The following PLPPR1 variants were observed in gnomAD, a reference collection of about 807,000 sequenced individuals.
PLPPR1 encodes the protein phospholipid phosphatase related 1.
PLPPR1 carries 10 observed loss-of-function variants against 33.1 expected under a neutral mutation model. The observed-to-expected ratio is 0.30, with a 90% CI of 0.19 to 0.51. The LOEUF is 0.51. PLPPR1 is among the 20% of genes least tolerant of loss of function. PLPPR1 has a pLI of 0.97. For missense variants in PLPPR1, 304 were observed against 408.1 expected (o/e 0.74, Z 2.20); for synonymous variants, 151 against 151.0 (o/e 1.00, Z 0.00).
At chr9:101,035,521 C>T (rs559708309) in intron 1 of PLPPR1, among the ~76,000 whole-genome samples, 37 of 152,266 alleles carry the variant, frequency 2.4e-4, no homozygotes, top group Middle Eastern at 3.4e-3. Flanking sequence ...TCCTTGTCTT[C>T]CCCTAACTCC....
chr9:101,130,045 A>C (rs544893929), intron 1 of PLPPR1, among the ~76,000 whole-genome samples: 1 of 152,166 alleles, frequency 6.6e-6, no homozygotes, highest in African/African-American at 2.4e-5. Context: ...ATAAAGGACA[A>C]CGATGAAACT....
chr9:101,226,889 G>A (rs1827081182), intron 2 of PLPPR1, among the ~76,000 whole-genome samples: 1 of 152,138 alleles, frequency 6.6e-6, no homozygotes, highest in Non-Finnish European at 1.5e-5. Flanking sequence ...GGAACAAAAT[G>A]ATTAGGTCTT....
rs185356696 is a variant in PLPPR1 at position 101,181,427 on chromosome 9, A to G, written c.-45-4023A>G. The stretch of plus-strand genomic sequence containing the variant: ...GGAGGCTCCTCAGAAAACTAAGTAT[A>G]TAATTTATCATATTATCCAGTAATC... On this transcript the variant is annotated intron_variant, in intron 1 of 7. Transcript: ENST00000374874. Among the ~76,000 whole-genome samples, 352 of 151,152 alleles carry G rather than the reference A, an allele frequency of 2.3e-3. 3 individuals are homozygous for G. Among genetic ancestry groups the G allele is most frequent in the African/African-American group, 7.6e-3 (314 of 41,436 alleles).
chr9:101,230,595 G>A (rs191427524), intron 2 of PLPPR1, among the ~76,000 whole-genome samples: 2 of 152,190 alleles, frequency 1.3e-5, no homozygotes, highest in East Asian at 3.9e-4. Context: ...ATCTATGACT[G>A]AGTAGGCACA....
intron 1 of PLPPR1, among the ~76,000 whole-genome samples, chr9:101,152,442 C>T (rs1831601745): frequency 1.3e-5 from 2 of 152,180 alleles, no homozygotes; most frequent in Non-Finnish European, 2.9e-5. Context: ...GTTGCCGTTG[C>T]TTTTGGTGTT....
At chr9:101,192,468 T>C (rs1227373096) in intron 2 of PLPPR1, among the ~76,000 whole-genome samples, 2 of 152,178 alleles carry the variant, frequency 1.3e-5, no homozygotes, top group South Asian at 2.1e-4. Flanking sequence ...GGGAATTTCT[T>C]TGGACCCCAA....
intron 2 of PLPPR1, among the ~76,000 whole-genome samples, chr9:101,242,233 T>A (rs1418060651): frequency 6.6e-6 from 1 of 151,250 alleles, no homozygotes; most frequent in Non-Finnish European, 1.5e-5. Context: ...AGGGAGGAGC[T>A]GGAATTCTTT....
intron 2 of PLPPR1, among the ~76,000 whole-genome samples, chr9:101,255,088 C>T (rs1392170918): frequency 6.6e-6 from 1 of 152,100 alleles, no homozygotes; most frequent in Non-Finnish European, 1.5e-5. Flanking sequence ...AATAGCATGT[C>T]ACTATTGTTT....
chr9:101,157,452 T>G (rs548984525), intron 1 of PLPPR1, among the ~76,000 whole-genome samples: 3 of 152,266 alleles, frequency 2.0e-5, no homozygotes, highest in South Asian at 4.2e-4. Flanking sequence ...TGTCTAAATT[T>G]AAAAGAGTCA....
intron 1 of PLPPR1, among the ~76,000 whole-genome samples, chr9:101,095,919 A>G (rs1830811437): frequency 6.6e-6 from 1 of 152,206 alleles, no homozygotes; most frequent in Non-Finnish European, 1.5e-5. Context: ...AGCAATTGTA[A>G]CATCATGAAG....
At chr9:101,064,639 C>G (rs1830387637) in intron 1 of PLPPR1, among the ~76,000 whole-genome samples, 1 of 151,984 alleles carries the variant, frequency 6.6e-6, no homozygotes. Context: ...ACATAGACCC[C>G]AATTCTGGGT....
intron 1 of PLPPR1, among the ~76,000 whole-genome samples, chr9:101,047,354 G>C (rs946735841): frequency 6.6e-6 from 1 of 152,118 alleles, no homozygotes; most frequent in Non-Finnish European, 1.5e-5. Flanking sequence ...GATCAGAATT[G>C]GTTATAAAGT....
intron 1 of PLPPR1, among the ~76,000 whole-genome samples, chr9:101,139,717 A>C (rs537969784): frequency 6.4e-4 from 98 of 152,262 alleles, no homozygotes; most frequent in Non-Finnish European, 1.1e-3. Flanking sequence ...AGTTATATAT[A>C]ATTGGCCAAT....
chr9:101,108,275 A>G lies in PLPPR1; in HGVS notation c.-45-77175A>G, dbSNP rs543143422. On this transcript the variant is annotated intron_variant, in intron 1 of 7. Coordinates refer to ENST00000374874, the MANE Select transcript of PLPPR1 (RefSeq NM_207299.2). Reference sequence around the variant, plus strand: ...AAAAGAGACTTGAATCAGGTAATGCATGATAAAAATCAATTGATCTGTCTA... The same window carrying G: ...AAAAGAGACTTGAATCAGGTAATGCGTGATAAAAATCAATTGATCTGTCTA... Among the ~76,000 whole-genome samples the G allele has an allele frequency of 3.9e-5, 6 of 152,374 alleles. 1 individual carries two copies. In the South Asian group the frequency reaches 1.2e-3, roughly 32 times the overall value.
At chr9:101,260,889 T>G (rs758736277) in intron 2 of PLPPR1, among the ~76,000 whole-genome samples, 6 of 151,938 alleles carry the variant, frequency 3.9e-5, no homozygotes, top group Non-Finnish European at 8.8e-5. Flanking sequence ...AAAGGGAAAA[T>G]TAAAGCAACA....
At chr9:101,046,026 A>G (rs1323742826) in intron 1 of PLPPR1, among the ~76,000 whole-genome samples, 1 of 152,220 alleles carries the variant, frequency 6.6e-6, no homozygotes, top group Non-Finnish European at 1.5e-5. Context: ...AATTACAGAA[A>G]TTTATATTAA....
chr9:101,104,562 G>C (rs1233770198), intron 1 of PLPPR1, among the ~76,000 whole-genome samples: 1 of 134,390 alleles, frequency 7.4e-6, no homozygotes. Flanking sequence ...GTATTTTATT[G>C]AGGATTTTTG....
chr9:101,111,164 ATTC>A (rs1217200606), intron 1 of PLPPR1, among the ~76,000 whole-genome samples: 3 of 152,126 alleles, frequency 2.0e-5, no homozygotes, highest in Admixed American at 6.5e-5. Flanking sequence ...TGATTTTTAT[ATTC>A]TTCTTTTTAT....
At chr9:101,203,458 T>A (rs2084189740) in intron 2 of PLPPR1, among the ~76,000 whole-genome samples, 1 of 152,150 alleles carries the variant, frequency 6.6e-6, no homozygotes, top group African/African-American at 2.4e-5. Flanking sequence ...TGTAGCCATA[T>A]GGCCTTGAAG....
Sources: allele counts gnomAD v4.1 joint callset (sites outside exome capture counted in the v4.1 genomes callset), GRCh38; gene constraint gnomAD v4.1.1; transcripts MANE v1.5; gene names NCBI Gene and HGNC (gene_info 2026-07-23, HGNC 2026-07-21).